IFTAP: variants seen among roughly 807,000 people sequenced by gnomAD.
IFTAP encodes intraflagellar transport-associated protein.
IFTAP carries 19 observed loss-of-function variants against 19.4 expected under a neutral mutation model. The observed-to-expected ratio is 0.98, with a 90% CI of 0.68 to 1.44. The LOEUF is 1.44. IFTAP is among the 40% of genes most tolerant of loss of function. The pLI is 0.00. For missense variants in IFTAP, 240 were observed against 253.6 expected (o/e 0.95, Z 0.36); for synonymous variants, 85 against 83.5 (o/e 1.02, Z -0.10).
chr11:36,657,984 A>G (rs1232322125), intron 5 of IFTAP, among the ~76,000 whole-genome samples: 5 of 152,166 alleles, frequency 3.3e-5, no homozygotes, highest in Non-Finnish European at 5.9e-5. Context: ...TCAAAACATA[A>G]CTTGTGGAAC....
intron 5 of IFTAP, among the ~76,000 whole-genome samples, chr11:36,654,655 C>T (rs1373733057): frequency 6.6e-6 from 1 of 151,954 alleles, no homozygotes; most frequent in Non-Finnish European, 1.5e-5. Context: ...TTTTCAGTTT[C>T]AAGTTTGTAT....
At chr11:36,638,378 A>T (rs939125577) in intron 4 of IFTAP, among the ~76,000 whole-genome samples, 1 of 152,178 alleles carries the variant, frequency 6.6e-6, no homozygotes, top group Non-Finnish European at 1.5e-5. Context: ...TTTGTGTATA[A>T]AAGATTACTG....
chr11:36,638,568 A>G (rs1356621105), intron 4 of IFTAP, among the ~76,000 whole-genome samples: 1 of 152,208 alleles, frequency 6.6e-6, no homozygotes, highest in African/African-American at 2.4e-5. Flanking sequence ...AAAGAAATTA[A>G]ATAGTTGGTG....
At chr11:36,624,337 G>T (rs12417783) in intron 2 of IFTAP, among the ~76,000 whole-genome samples, 6 of 152,026 alleles carry the variant, frequency 3.9e-5, no homozygotes, top group African/African-American at 1.5e-4. Flanking sequence ...TTGAAGCTGG[G>T]TATAGTCATT....
chr11:36,645,941 C>G (rs1196706880), intron 4 of IFTAP, among the ~76,000 whole-genome samples: 3 of 152,136 alleles, frequency 2.0e-5, no homozygotes, highest in Admixed American at 1.3e-4. Flanking sequence ...TGGGAATTCA[C>G]TATGTATAAG....
At position 36,648,106 on chromosome 11, in the gene IFTAP, A is replaced by G. The variant is rs754910355; in HGVS notation, c.449A>G (p.Glu150Gly). 25 of 1,613,344 alleles carry G rather than the reference A, an allele frequency of 1.5e-5. 1 individual carries two copies. In the South Asian group the frequency reaches 2.7e-4, roughly 18 times the overall value. Reference protein sequence around the residue: ...IPFVAQPPTCEVKPKPSVKRM... With the variant: ...IPFVAQPPTCGVKPKPSVKRM... ...TTTGTGGCCCAGCCTCCTACCTGTG[A>G]AGTGAAGCCAAAGCCCAGTGTTAAA... is the stretch of plus-strand genomic sequence containing the variant. The change falls in exon 5 of 6, where the codon GAA (glutamate) becomes GGA (glycine). Residue 150 changes from glutamate to glycine, a missense_variant. Glu to Gly is a moderately conservative substitution (Grantham distance 98). Transcript: ENST00000334307.
chr11:36,606,074 T>C (rs1411294251), intron 1 of IFTAP, among the ~76,000 whole-genome samples: 2 of 152,256 alleles, frequency 1.3e-5, no homozygotes, highest in Admixed American at 6.5e-5. Context: ...TATATTTTTA[T>C]AGAAAAGGCA....
chr11:36,654,968 G>A (rs539609537), intron 5 of IFTAP, among the ~76,000 whole-genome samples: 1 of 151,996 alleles, frequency 6.6e-6, no homozygotes, highest in African/African-American at 2.4e-5. Context: ...CAACAGGGCA[G>A]GGCATTTTTT....
At chr11:36,628,813 G>T (rs1204635120) in intron 2 of IFTAP, among the ~76,000 whole-genome samples, 2 of 151,164 alleles carry the variant, frequency 1.3e-5, no homozygotes, top group Non-Finnish European at 2.9e-5. Flanking sequence ...CCAGACCAGG[G>T]TTGTGCATTT....
intron 5 of IFTAP, 75 bp downstream of exon 5, chr11:36,648,230 T>G: frequency 6.8e-7 from 1 of 1,478,756 alleles, no homozygotes. Flanking sequence ...AAATGCTGCA[T>G]GCTTCTGTAT....
At chr11:36,617,209 ATTTAT>A (rs1265592662) in intron 2 of IFTAP, among the ~76,000 whole-genome samples, 1 of 149,162 alleles carries the variant, frequency 6.7e-6, no homozygotes, top group Non-Finnish European at 1.5e-5. Flanking sequence ...ATATATATTT[ATTTAT>A]TTGTATATTT....
chr11:36,638,977 G>A lies in IFTAP; in HGVS notation c.358+2860G>A, dbSNP rs146862196. On this transcript the variant is annotated intron_variant, in intron 4 of 5. Transcript: ENST00000334307. ...TATTAAGCAGTTTTCTGAGGGTAGC[G>A]TCTGCCACAGAGTTTGGTGCACTGT... is the stretch of plus-strand genomic sequence containing the variant. Among the ~76,000 whole-genome samples, 470 of 152,274 alleles carry A rather than the reference G, an allele frequency of 3.1e-3. 5 individuals are homozygous for A. Among genetic ancestry groups the A allele is most frequent in the African/African-American group, 0.011 (441 of 41,550 alleles).
intron 5 of IFTAP, among the ~76,000 whole-genome samples, chr11:36,651,125 C>T (rs71481983): frequency 0.14 from 22,057 of 152,178 alleles, 2,451 homozygotes; most frequent in East Asian, 0.59. Flanking sequence ...GCTGAGGAGT[C>T]GCCACACTGT....
chr11:36,658,967 C>G (rs1392743966), intron 5 of IFTAP, 52 bp from the exon 6 acceptor site: 1 of 1,342,768 alleles, frequency 7.4e-7, no homozygotes, highest in Non-Finnish European at 1.0e-6. Context: ...TCAACTTTAT[C>G]TTCATTTACA....
chr11:36,610,102 G>C lies in IFTAP; in HGVS notation c.-2G>C. ...GCAGATACTGTGGCCTCATGAATAG[G>C]AATGTCTGCCCATATGTCAGGATTG... On this transcript the variant is annotated 5_prime_UTR_variant, in exon 2 of 6. Transcript: ENST00000334307. 1 of 1,612,738 alleles carries C rather than the reference G, an allele frequency of 6.2e-7. No individual in the cohort carries two copies. Among genetic ancestry groups the C allele is most frequent in the Non-Finnish European group, 8.5e-7 (1 of 1,179,136 alleles).
intron 5 of IFTAP, among the ~76,000 whole-genome samples, chr11:36,656,446 A>C (rs540504190): frequency 6.6e-6 from 1 of 152,088 alleles, no homozygotes; most frequent in South Asian, 2.1e-4. Context: ...GGTATGCACC[A>C]GTTGTCCCAG....
chr11:36,599,657 G>A (rs1167046241), intron 1 of IFTAP, among the ~76,000 whole-genome samples: 1 of 151,970 alleles, frequency 6.6e-6, no homozygotes, highest in Non-Finnish European at 1.5e-5. Context: ...TTTTTAAACA[G>A]ATGTATGTAG....
intron 5 of IFTAP, among the ~76,000 whole-genome samples, chr11:36,655,260 C>T (rs966823645): frequency 1.3e-5 from 2 of 152,114 alleles, no homozygotes; most frequent in African/African-American, 4.8e-5. Flanking sequence ...AACTCCCCGT[C>T]AGCAAAGCTC....
In IFTAP at chr11:36,602,519, T is replaced by A. The variant is rs1237136845; in HGVS notation, c.-23-7562T>A. On this transcript the variant is annotated intron_variant, in intron 1 of 5. Coordinates refer to ENST00000334307, the MANE Select transcript of IFTAP (RefSeq NM_138787.4). ...GATTAGGTTTGAGCTAATAAATCTT[T>A]TATGATTGAAATATTGTGTGATTAT... Among the ~76,000 whole-genome samples the A allele has an allele frequency of 2.0e-5, 3 of 152,184 alleles. No homozygotes were observed. The East Asian group carries it at 5.8e-4, about 29-fold the overall frequency.
Sources: gnomAD v4.1 joint callset for allele counts (sites outside exome capture counted in the v4.1 genomes callset) on GRCh38, gnomAD v4.1.1 for gene constraint, MANE v1.5 for transcripts, NCBI Gene and HGNC (gene_info 2026-07-23, HGNC 2026-07-21) for gene names.